Variants in KIAA1217 observed in about 807,000 individuals in gnomAD.
KIAA1217 encodes the protein KIAA1217.
A neutral mutation model predicts 163.9 loss-of-function variants in KIAA1217; 88 were observed. That is an observed-to-expected ratio of 0.54 (90% CI 0.45 to 0.64). The LOEUF (loss-of-function observed/expected upper bound fraction) is 0.64. KIAA1217 is among the 30% of genes least tolerant of loss of function. KIAA1217 has a pLI of 0.00. For missense variants in KIAA1217, 2,372 were observed against 2,475.0 expected (o/e 0.96, Z 0.88); for synonymous variants, 903 against 923.1 (o/e 0.98, Z 0.39).
intron 2 of KIAA1217, among the ~76,000 whole-genome samples, chr10:24,063,071 T>A (rs1042090648): frequency 1.3e-5 from 2 of 152,132 alleles, no homozygotes; most frequent in African/African-American, 4.8e-5. Flanking sequence ...TGCAAAAATT[T>A]TCTCCCATTC....
chr10:23,979,355 G>A (rs1845670620), intron 1 of KIAA1217, among the ~76,000 whole-genome samples: 1 of 152,146 alleles, frequency 6.6e-6, no homozygotes, highest in South Asian at 2.1e-4. Context: ...AAATCCTGCT[G>A]TGCTCCTTCC....
chr10:24,537,748 T>C (rs2074250403), intron 17 of KIAA1217, among the ~76,000 whole-genome samples: 1 of 152,200 alleles, frequency 6.6e-6, no homozygotes, highest in East Asian at 1.9e-4. Context: ...TTATAAAGTG[T>C]ACCTTCCAAG....
rs2053206626 is a variant in KIAA1217 at position 24,380,849 on chromosome 10, C to A, written c.355-20C>A. ...TAATAATAGTCTATTTTCCCACTTT[C>A]TTTAAAATGCCTTTTGCAGACAAGG... On this transcript the variant is annotated intron_variant, in intron 2 of 20. Coordinates refer to ENST00000376454, the MANE Select transcript of KIAA1217 (RefSeq NM_019590.5). 6.7e-7 allele frequency: 1 copy of A among 1,484,918 alleles called. No homozygotes were observed. 92.0% of individuals were successfully genotyped at this position (1,484,918 alleles called of 1,614,324 possible).
At chr10:24,029,274 C>G (rs894559234) in intron 2 of KIAA1217, among the ~76,000 whole-genome samples, 4 of 152,088 alleles carry the variant, frequency 2.6e-5, no homozygotes, top group African/African-American at 9.7e-5. Flanking sequence ...TCAAACCTTT[C>G]TTTACAATGG....
chr10:24,499,793 T>C (rs1025499336), intron 8 of KIAA1217, among the ~76,000 whole-genome samples: 13 of 152,018 alleles, frequency 8.6e-5, no homozygotes, highest in Admixed American at 2.0e-4. Context: ...TGGAGCTCCA[T>C]TGTCAGTTCT....
At chr10:24,239,473 G>T (rs2072748870) in intron 2 of KIAA1217, 1 of 188,116 alleles carries the variant, frequency 5.3e-6, no homozygotes, top group Non-Finnish European at 9.5e-6. Flanking sequence ...CAATGTTCGT[G>T]CTAAAGGGCT....
chr10:24,531,918 G>T lies in KIAA1217; in HGVS notation c.3171G>T (p.Leu1057=). The change falls in exon 15 of 21, where the codon CTG becomes CTT. Residue 1057 remains leucine (L), a synonymous_variant. Transcript: ENST00000376454. ...PPPPPPRRSY[L]PGSGLTTTRS... ...CGCCACCTCCTCGTCGAAGCTACCTGCCAGGATCGGGACTCACCACCACGA... is the reference window on the plus strand; with the variant it reads ...CGCCACCTCCTCGTCGAAGCTACCTTCCAGGATCGGGACTCACCACCACGA... 6.2e-7 allele frequency: 1 copy of T among 1,610,432 alleles called. No individual in the cohort carries two copies. The highest frequency in any genetic ancestry group is 8.5e-7 in the Non-Finnish European group (1 of 1,177,862).
At chr10:24,186,442 T>A (rs2066432111) in intron 2 of KIAA1217, among the ~76,000 whole-genome samples, 1 of 152,228 alleles carries the variant, frequency 6.6e-6, no homozygotes, top group Non-Finnish European at 1.5e-5. Flanking sequence ...TTTCTTAGCC[T>A]ATATTTCCAT....
intron 2 of KIAA1217, among the ~76,000 whole-genome samples, chr10:24,359,333 TC>T (rs779841529): frequency 3.9e-5 from 6 of 152,136 alleles, no homozygotes; most frequent in Non-Finnish European, 7.4e-5. Flanking sequence ...CCTCAAGTGA[TC>T]TGCCCGCCTC....
intron 2 of KIAA1217, among the ~76,000 whole-genome samples, chr10:24,182,030 A>G (rs928966191): frequency 2.6e-5 from 4 of 152,340 alleles, no homozygotes; most frequent in Admixed American, 2.6e-4. Context: ...ATCCAGTTAA[A>G]GGACCACAAA....
At chr10:23,872,983 AAATGAAAG>A (rs1175619736) in intron 1 of KIAA1217, among the ~76,000 whole-genome samples, 1 of 152,082 alleles carries the variant, frequency 6.6e-6, no homozygotes, top group African/African-American at 2.4e-5. Flanking sequence ...AAACAGCCTG[AAATGAAAG>A]AAATGACAAA....
At chr10:24,232,663 A>G (rs2071583434) in intron 2 of KIAA1217, among the ~76,000 whole-genome samples, 1 of 152,130 alleles carries the variant, frequency 6.6e-6, no homozygotes, top group African/African-American at 2.4e-5. Flanking sequence ...TAGATGCAGA[A>G]CTCATACTGC....
chr10:24,541,660 A>G (rs1564901174), intron 17 of KIAA1217, among the ~76,000 whole-genome samples: 1 of 152,150 alleles, frequency 6.6e-6, no homozygotes, highest in Non-Finnish European at 1.5e-5. Context: ...TGTTAGTGTT[A>G]TGTCAGGGCC....
chr10:23,791,191 T>G (rs891015387), intron 1 of KIAA1217, among the ~76,000 whole-genome samples: 3 of 152,226 alleles, frequency 2.0e-5, no homozygotes, highest in Non-Finnish European at 4.4e-5. Flanking sequence ...TCATATGATT[T>G]CTGGTCATAA....
chr10:24,317,014 G>A (rs1401314615), intron 2 of KIAA1217, among the ~76,000 whole-genome samples: 2 of 152,072 alleles, frequency 1.3e-5, no homozygotes, highest in Admixed American at 6.6e-5. Flanking sequence ...TGTGGGGGGC[G>A]CTGGTGAGAT....
At chr10:24,334,800 T>G (rs545971664) in intron 2 of KIAA1217, among the ~76,000 whole-genome samples, 4 of 152,314 alleles carry the variant, frequency 2.6e-5, no homozygotes, top group Admixed American at 2.0e-4. Context: ...GTTGCAGGCT[T>G]AGAAGGTTGT....
In KIAA1217 at chr10:24,297,600, A is replaced by G. The variant is rs374173124; in HGVS notation, c.354+77691A>G. Among the ~76,000 whole-genome samples the G allele has an allele frequency of 6.6e-4, 100 of 152,242 alleles. 4 individuals carry two copies. In the South Asian group the frequency reaches 0.018, roughly 28 times the overall value. On this transcript the variant is annotated intron_variant, in intron 2 of 20. Transcript: ENST00000376454. ...GTAAAACCCCATCTCTACTAAAAAT[A>G]TAAAAATTAGCTGGGTGTAGTGGCC...
chr10:24,429,244 T>TG (rs1323740675), intron 3 of KIAA1217, among the ~76,000 whole-genome samples: 1 of 152,170 alleles, frequency 6.6e-6, no homozygotes. Context: ...TTACCTGTTC[T>TG]GGGGGCTTTT....
chr10:23,808,383 A>C (rs1280085284), intron 1 of KIAA1217, among the ~76,000 whole-genome samples: 1 of 152,246 alleles, frequency 6.6e-6, no homozygotes, highest in Non-Finnish European at 1.5e-5. Flanking sequence ...CAGAAACATC[A>C]ATTCAGGTTA....
Sources: allele counts gnomAD v4.1 joint callset (sites outside exome capture counted in the v4.1 genomes callset), GRCh38; gene constraint gnomAD v4.1.1; transcripts MANE v1.5; gene names NCBI Gene and HGNC (gene_info 2026-07-23, HGNC 2026-07-21).